Variants in NOL4 observed in about 807,000 individuals in gnomAD.
NOL4 encodes the protein cancer/testis antigen 125.
Under a neutral mutation model 75.9 loss-of-function variants are expected in NOL4, and 17 were observed. That is an observed-to-expected ratio of 0.22 (90% CI 0.15 to 0.34). The LOEUF (loss-of-function observed/expected upper bound fraction) is 0.34. NOL4 is among the 10% of genes least tolerant of loss of function. The pLI, the probability that NOL4 is intolerant of heterozygous loss-of-function variation, is 1.00. For synonymous variants in NOL4, 292 were observed against 289.9 expected (o/e 1.01, Z -0.07); for missense variants, 614 against 793.5 (o/e 0.77, Z 2.72).
chr18:34,171,462 A>AT (rs1257413906), intron 1 of NOL4, among the ~76,000 whole-genome samples: 1 of 152,164 alleles, frequency 6.6e-6, no homozygotes, highest in African/African-American at 2.4e-5. Context: ...CATATCACCT[A>AT]TGTCATTCAT....
chr18:33,860,437 A>G (rs1036005674), intron 10 of NOL4, among the ~76,000 whole-genome samples: 8 of 152,134 alleles, frequency 5.3e-5, no homozygotes, highest in Admixed American at 2.0e-4. Flanking sequence ...TCTGTCTAGG[A>G]GTTTGTGCAA....
At chr18:34,033,557 T>A (rs1486351731) in intron 5 of NOL4, among the ~76,000 whole-genome samples, 2 of 151,900 alleles carry the variant, frequency 1.3e-5, no homozygotes, top group Non-Finnish European at 2.9e-5. Flanking sequence ...GATAAACCCA[T>A]AAAGCAATCA....
At chr18:34,021,876 G>A (rs1241432229) in intron 5 of NOL4, among the ~76,000 whole-genome samples, 1 of 152,076 alleles carries the variant, frequency 6.6e-6, no homozygotes, top group Non-Finnish European at 1.5e-5. Flanking sequence ...GCCGAGGTGG[G>A]TGGATCACCT....
At chr18:33,860,304 C>T (rs965403294) in intron 10 of NOL4, among the ~76,000 whole-genome samples, 18 of 152,070 alleles carry the variant, frequency 1.2e-4, no homozygotes, top group African/African-American at 4.3e-4. Context: ...CCCCAAATCT[C>T]ACATCCTTTT....
intron 1 of NOL4, among the ~76,000 whole-genome samples, chr18:34,221,862 C>T (rs1055134478): frequency 7.2e-5 from 11 of 152,124 alleles, no homozygotes; most frequent in Non-Finnish European, 1.6e-4. Flanking sequence ...GCTTTCAAAG[C>T]GTCTCCTTTC....
At chr18:34,039,819 A>T (rs1194985895) in intron 5 of NOL4, among the ~76,000 whole-genome samples, 1 of 152,022 alleles carries the variant, frequency 6.6e-6, no homozygotes, top group African/African-American at 2.4e-5. Context: ...TGATGGTGTG[A>T]AAGCAAGACA....
chr18:34,083,511 G>T (rs9953677), intron 5 of NOL4, among the ~76,000 whole-genome samples: 2,033 of 152,266 alleles, frequency 0.013, 50 homozygotes, highest in African/African-American at 0.047. Context: ...AAGATAAAAT[G>T]TTAGGAACAA....
chr18:33,909,614 T>G (rs2066272378), intron 9 of NOL4, among the ~76,000 whole-genome samples: 1 of 152,152 alleles, frequency 6.6e-6, no homozygotes, highest in Non-Finnish European at 1.5e-5. Context: ...ACCGTCCCCT[T>G]TTTATTATCT....
At chr18:33,863,244 G>A (rs953407086) in intron 10 of NOL4, among the ~76,000 whole-genome samples, 5 of 151,992 alleles carry the variant, frequency 3.3e-5, no homozygotes, top group East Asian at 1.9e-4. Flanking sequence ...ACACAGGTAC[G>A]GTAACATCAC....
chr18:34,212,603 G>A (rs1235242029), intron 1 of NOL4, among the ~76,000 whole-genome samples: 2 of 152,108 alleles, frequency 1.3e-5, no homozygotes, highest in Non-Finnish European at 2.9e-5. Flanking sequence ...CTCTGCTCAG[G>A]TTCTCATAAA....
At position 34,189,986 on chromosome 18, in the gene NOL4, C is replaced by CATAT. The variant is rs71379558; in HGVS notation, c.264+33000_264+33003dup. Among the ~76,000 whole-genome samples the CATAT allele has an allele frequency of 2.0e-3, 294 of 148,690 alleles. 2 individuals carry two copies. Among genetic ancestry groups the CATAT allele is most frequent in the Middle Eastern group, 0.018 (5 of 282 alleles). On this transcript the variant is annotated intron_variant, in intron 1 of 10. Coordinates refer to ENST00000261592, the MANE Select transcript of NOL4 (RefSeq NM_003787.5). ...AATAGTAGAGAAAGTTAGATATATG[C>CATAT]ATATATATATATACACACATATATA...
chr18:34,048,150 C>G (rs545554708), intron 5 of NOL4, among the ~76,000 whole-genome samples: 1 of 152,128 alleles, frequency 6.6e-6, no homozygotes, highest in African/African-American at 2.4e-5. Flanking sequence ...GGTTTAAATG[C>G]ACAACAATCT....
At chr18:34,164,083 A>C (rs2031958721) in intron 1 of NOL4, among the ~76,000 whole-genome samples, 1 of 152,222 alleles carries the variant, frequency 6.6e-6, no homozygotes, top group African/African-American at 2.4e-5. Context: ...CTTATACAAA[A>C]ATTAATCCAA....
At chr18:33,971,987 G>T (rs2071099446) in intron 6 of NOL4, among the ~76,000 whole-genome samples, 1 of 152,062 alleles carries the variant, frequency 6.6e-6, no homozygotes, top group Non-Finnish European at 1.5e-5. Flanking sequence ...CCAACATGGT[G>T]AAGCCCCATC....
chr18:34,117,345 G>A (rs1042138142), intron 2 of NOL4, among the ~76,000 whole-genome samples: 1 of 152,112 alleles, frequency 6.6e-6, no homozygotes, highest in Non-Finnish European at 1.5e-5. Context: ...CTGTTTTACA[G>A]CCACTCCTAG....
At chr18:34,148,953 A>T (rs1164583283) in intron 1 of NOL4, among the ~76,000 whole-genome samples, 1 of 151,396 alleles carries the variant, frequency 6.6e-6, no homozygotes, top group Admixed American at 6.6e-5. Context: ...ATATATACAA[A>T]CTATTTTTTC....
chr18:33,942,958 G>C (rs950873448), intron 9 of NOL4, 107 bp downstream of exon 9: 8 of 726,688 alleles, frequency 1.1e-5, no homozygotes, highest in Non-Finnish European at 1.9e-5. Context: ...CTATATCTCT[G>C]TGTACTTTAA....
At chr18:34,202,387 C>T (rs983870513) in intron 1 of NOL4, among the ~76,000 whole-genome samples, 1 of 151,922 alleles carries the variant, frequency 6.6e-6, no homozygotes, top group Non-Finnish European at 1.5e-5. Context: ...CACATCAATA[C>T]TTTAATCTTA....
chr18:34,013,842 G>A (rs1385023661), intron 6 of NOL4, among the ~76,000 whole-genome samples: 1 of 151,858 alleles, frequency 6.6e-6, no homozygotes, highest in Non-Finnish European at 1.5e-5. Context: ...GCACTCAGGA[G>A]AGTGTCTCAC....
Sources: gnomAD v4.1 joint callset for allele counts (sites outside exome capture counted in the v4.1 genomes callset) on GRCh38, gnomAD v4.1.1 for gene constraint, MANE v1.5 for transcripts, NCBI Gene and HGNC (gene_info 2026-07-23, HGNC 2026-07-21) for gene names.